SORCS1: variants seen among roughly 807,000 people sequenced by gnomAD.
The protein encoded by SORCS1 is VPS10 domain-containing receptor SorCS1.
In SORCS1, 60 loss-of-function variants were observed where a neutral mutation model predicts 146.1. The ratio of observed to expected loss-of-function variants is 0.41; its 90% CI spans 0.33 to 0.51. The LOEUF is 0.51. Ranked by LOEUF, SORCS1 falls within the 20% of genes least tolerant of loss-of-function variation. SORCS1 has a pLI of 0.21. For missense variants in SORCS1, 1,352 were observed against 1,487.6 expected (o/e 0.91, Z 1.50); for synonymous variants, 637 against 584.0 (o/e 1.09, Z -1.31).
At chr10:106,954,085 G>A (rs1458948403) in intron 2 of SORCS1, among the ~76,000 whole-genome samples, 1 of 152,172 alleles carries the variant, frequency 6.6e-6, no homozygotes, top group Non-Finnish European at 1.5e-5. Context: ...CCTTCATGGA[G>A]AGAAAAGCAT....
intron 5 of SORCS1, among the ~76,000 whole-genome samples, chr10:106,741,928 A>C (rs1438832729): frequency 1.4e-4 from 21 of 152,188 alleles, no homozygotes; most frequent in Admixed American, 1.3e-4. Flanking sequence ...AGGCTGGTTT[A>C]GCTATCCTTG....
chr10:106,849,527 T>G (rs995976588), intron 2 of SORCS1, among the ~76,000 whole-genome samples: 1 of 149,702 alleles, frequency 6.7e-6, no homozygotes, highest in African/African-American at 2.5e-5. Context: ...TGCCTTTGGT[T>G]TGAATGTCCT....
chr10:107,071,666 C>T (rs1258830990), intron 1 of SORCS1, among the ~76,000 whole-genome samples: 1 of 152,198 alleles, frequency 6.6e-6, no homozygotes, highest in African/African-American at 2.4e-5. Flanking sequence ...TATGAAAGCA[C>T]CCTTCAATTA....
chr10:106,682,247 C>A (rs981455554), intron 10 of SORCS1, among the ~76,000 whole-genome samples: 4 of 152,178 alleles, frequency 2.6e-5, no homozygotes, highest in African/African-American at 9.7e-5. Flanking sequence ...GTTGCTATGG[C>A]TTTCAGAGGG....
chr10:106,679,274 T>A lies in SORCS1; in HGVS notation c.1722A>T (p.Ala574=). 2.5e-6 allele frequency: 4 copies of A among 1,613,166 alleles called. No individual in the cohort carries two copies. Among genetic ancestry groups the A allele is most frequent in the Non-Finnish European group, 3.4e-6 (4 of 1,179,388 alleles). ...TTCTTACCTGTCTCCAGGTGTTCCC[T>A]GCATCTGAAGAGACAAACATGCTGA... The part of the protein sequence containing the change: ...TDISMFVSSD[A]GNTWRQIFEE... The change falls in exon 12 of 26, where the codon GCA becomes GCT. Residue 574 remains alanine, a synonymous_variant. Coordinates refer to ENST00000263054, the MANE Select transcript of SORCS1 (RefSeq NM_052918.5).
At chr10:106,835,961 CGCCATTGCACTCTA>C (rs1216234914) in intron 2 of SORCS1, among the ~76,000 whole-genome samples, 1 of 150,928 alleles carries the variant, frequency 6.6e-6, no homozygotes, top group Non-Finnish European at 1.5e-5. Context: ...GCTGAGATCG[CGCCATTGCACTCTA>C]GCCTGGGCAA....
chr10:106,800,816 C>T lies in SORCS1; in HGVS notation c.727-24124G>A, dbSNP rs150835321. Among the ~76,000 whole-genome samples, 285 of 152,276 alleles carry T rather than the reference C, an allele frequency of 1.9e-3. 1 individual carries two copies. Among genetic ancestry groups the T allele is most frequent in the African/African-American group, 6.5e-3 (269 of 41,574 alleles). On this transcript the variant is annotated intron_variant, in intron 3 of 25. Transcript: ENST00000263054. ...GCAGTCTCCCAAAGTGCTGGGATTA[C>T]AGGCATGAGCCACCGTACCCGGCCA...
chr10:106,827,478 T>C (rs1366981750), intron 3 of SORCS1, among the ~76,000 whole-genome samples: 1 of 152,210 alleles, frequency 6.6e-6, no homozygotes, highest in Non-Finnish European at 1.5e-5. Flanking sequence ...CCTCTGAGGA[T>C]GAGTTGCTGG....
chr10:106,956,419 G>T (rs1372767404), intron 2 of SORCS1, 94 bp downstream of exon 2: 33 of 1,127,604 alleles, frequency 2.9e-5, no homozygotes, highest in Non-Finnish European at 4.1e-5. Flanking sequence ...CATATCACCA[G>T]GAACCTTCCT....
In SORCS1 at chr10:106,790,303, ACACAGAAAG is replaced by A. The variant is rs369751004; in HGVS notation, c.727-13620_727-13612del. ...TTTGTTCTAGGTCCTGATGCTCACC[ACACAGAAAG>A]CCAATCACTGAGACGATGAGTTATT... is the stretch of plus-strand genomic sequence containing the variant. On this transcript the variant is annotated intron_variant, in intron 3 of 25. Transcript: ENST00000263054. Among the ~76,000 whole-genome samples, 358 of 152,322 alleles carry A rather than the reference ACACAGAAAG, an allele frequency of 2.4e-3. 4 individuals carry two copies. Among genetic ancestry groups the A allele is most frequent in the African/African-American group, 8.2e-3 (342 of 41,564 alleles).
At chr10:106,744,906 C>G (rs1320163866) in intron 5 of SORCS1, among the ~76,000 whole-genome samples, 2 of 152,136 alleles carry the variant, frequency 1.3e-5, no homozygotes, top group Non-Finnish European at 2.9e-5. Flanking sequence ...AGAACCCCAC[C>G]TCCATGGTCA....
At chr10:107,032,005 C>A (rs193185788) in intron 1 of SORCS1, among the ~76,000 whole-genome samples, 2 of 152,272 alleles carry the variant, frequency 1.3e-5, no homozygotes, top group East Asian at 3.9e-4. Flanking sequence ...CACAGTCCGG[C>A]ATACCAGTGG....
chr10:106,764,714 G>A (rs747285921), intron 4 of SORCS1, among the ~76,000 whole-genome samples: 10 of 152,106 alleles, frequency 6.6e-5, no homozygotes, highest in Admixed American at 5.9e-4. Flanking sequence ...TACTAGTGCC[G>A]TGTCATGAAC....
intron 1 of SORCS1, among the ~76,000 whole-genome samples, chr10:107,124,980 G>A (rs907064966): frequency 1.5e-5 from 2 of 134,360 alleles, no homozygotes; most frequent in African/African-American, 5.8e-5. Context: ...TTGAGATGGA[G>A]TCTTGCTCTG....
At chr10:106,885,590 C>T (rs1443737928) in intron 2 of SORCS1, among the ~76,000 whole-genome samples, 1 of 152,134 alleles carries the variant, frequency 6.6e-6, no homozygotes, top group African/African-American at 2.4e-5. Context: ...AACAGGCAGC[C>T]TCAGAATAGG....
At chr10:106,615,614 G>A (rs1468771570) in intron 21 of SORCS1, among the ~76,000 whole-genome samples, 1 of 152,076 alleles carries the variant, frequency 6.6e-6, no homozygotes, top group Non-Finnish European at 1.5e-5. Flanking sequence ...AGGAGTCTGA[G>A]ACCAGCCTGG....
chr10:107,090,029 G>A (rs952246966), intron 1 of SORCS1, among the ~76,000 whole-genome samples: 5 of 152,146 alleles, frequency 3.3e-5, no homozygotes. Flanking sequence ...ATTTCACTTT[G>A]CAACTCACCC....
intron 18 of SORCS1, among the ~76,000 whole-genome samples, chr10:106,644,066 T>C (rs1189976570): frequency 6.6e-6 from 1 of 152,206 alleles, no homozygotes; most frequent in Non-Finnish European, 1.5e-5. Context: ...AGGTCGGCCC[T>C]AAGCATACCA....
chr10:106,709,154 A>T, intron 7 of SORCS1, 69 bp downstream of exon 7: 1 of 1,226,658 alleles, frequency 8.2e-7, no homozygotes, highest in East Asian at 2.4e-5. Flanking sequence ...AGTGTAAAGC[A>T]GGCAAAAGGG....
Sources: allele counts gnomAD v4.1 joint callset (sites outside exome capture counted in the v4.1 genomes callset), GRCh38; gene constraint gnomAD v4.1.1; transcripts MANE v1.5; gene names NCBI Gene and HGNC (gene_info 2026-07-23, HGNC 2026-07-21).